GOLGA1: variants seen among roughly 807,000 people sequenced by gnomAD.
GOLGA1 encodes golgin A1, also known as golgin subfamily A member 1.
In GOLGA1, 63 loss-of-function variants were observed where a neutral mutation model predicts 119.7. The ratio of observed to expected loss-of-function variants is 0.53; its 90% CI spans 0.43 to 0.65. The LOEUF (loss-of-function observed/expected upper bound fraction) is 0.65. Among genes scored for constraint, GOLGA1 ranks in the 30% least tolerant of loss-of-function variants. The pLI, the probability that GOLGA1 is intolerant of heterozygous loss-of-function variation, is 0.00. For synonymous variants in GOLGA1, 318 were observed against 333.4 expected, an observed-to-expected ratio of 0.95 and a Z score of 0.50; for missense variants, 798 against 912.8, an observed-to-expected ratio of 0.87 and a Z score of 1.62.
intron 15 of GOLGA1, among the ~76,000 whole-genome samples, chr9:124,891,034 T>C (rs1270332154): frequency 1.3e-5 from 2 of 152,172 alleles, no homozygotes; most frequent in African/African-American, 4.8e-5. Flanking sequence ...CACATGCCTG[T>C]AGTGCCAGCT....
chr9:124,926,157 AAGAT>A (rs759306113), intron 7 of GOLGA1, among the ~76,000 whole-genome samples: 3 of 152,192 alleles, frequency 2.0e-5, no homozygotes, highest in Non-Finnish European at 2.9e-5. Context: ...TGGGATGGGT[AAGAT>A]AGCCCAAAAG....
intron 3 of GOLGA1, among the ~76,000 whole-genome samples, chr9:124,932,749 G>C (rs923046066): frequency 6.6e-6 from 1 of 152,134 alleles, no homozygotes; most frequent in African/African-American, 2.4e-5. Flanking sequence ...CTGGAGCCTA[G>C]GAAGTCCAAA....
At chr9:124,912,888 G>A (rs1289276331) in intron 10 of GOLGA1, among the ~76,000 whole-genome samples, 1 of 152,206 alleles carries the variant, frequency 6.6e-6, no homozygotes, top group East Asian at 1.9e-4. Context: ...CAACAGGTTG[G>A]GACTAACTTG....
chr9:124,891,792 G>A (rs1170063923), intron 15 of GOLGA1, among the ~76,000 whole-genome samples: 2 of 151,720 alleles, frequency 1.3e-5, no homozygotes, highest in Non-Finnish European at 1.5e-5. Flanking sequence ...CTACAGGCAT[G>A]TGCCACCACA....
rs150824292 is a variant in GOLGA1, at chr9:124,931,387, G to C, written c.155C>G (p.Ser52Cys). ...AAGCTGGGATGAAAGATCTTCTCTG[G>C]AGCTGCTTCCATCGGAAGCCTGTTG... ...GDDFASDGSS[S>C]REDLSSQLLR... Residue 52 changes from serine to cysteine, a missense_variant, in exon 4 of 23, where the codon TCC (serine) becomes TGC (cysteine). By Grantham distance (112) the Ser-to-Cys change is moderately radical. Coordinates refer to ENST00000373555, the MANE Select transcript of GOLGA1 (RefSeq NM_002077.4). 5.2e-5 allele frequency: 82 copies of C among 1,589,218 alleles called. No homozygotes were observed. Among genetic ancestry groups the C allele is most frequent in the Admixed American group, 5.0e-5 (3 of 59,938 alleles).
At chr9:124,882,066 G>GC (rs1829599066) in intron 20 of GOLGA1, 112 bp from the exon 21 acceptor site, 1 of 749,288 alleles carries the variant, frequency 1.3e-6, no homozygotes, top group Admixed American at 3.0e-5. Context: ...GGCAAAAAGG[G>GC]CCCCACCTGG....
rs1443622352 is a variant in GOLGA1 at position 124,888,935 on chromosome 9, G to A, written c.1761+208C>T. Among the ~76,000 whole-genome samples the A allele has an allele frequency of 6.6e-5, 10 of 152,130 alleles. No homozygotes were observed. In the South Asian group the frequency reaches 1.2e-3, roughly 19 times the overall value. On this transcript the variant is annotated intron_variant, in intron 18 of 22. Coordinates refer to ENST00000373555, the MANE Select transcript of GOLGA1 (RefSeq NM_002077.4). The surrounding 1 kb of genome is among the most constrained non-coding windows in gnomAD (Gnocchi z 4.4). ...AGGATGGTCTCGATCTCCTGAACTC[G>A]TGATCCACCCGCCTCGGCCTCCCAA...
chr9:124,928,684 C>G (rs1389228212), intron 5 of GOLGA1, among the ~76,000 whole-genome samples: 2 of 152,104 alleles, frequency 1.3e-5, no homozygotes, highest in Non-Finnish European at 2.9e-5. Flanking sequence ...AACAAAAAAC[C>G]TTTCTTTTAC....
intron 19 of GOLGA1, among the ~76,000 whole-genome samples, chr9:124,883,680 T>C (rs891464421): frequency 6.6e-6 from 1 of 152,046 alleles, no homozygotes; most frequent in Non-Finnish European, 1.5e-5. Flanking sequence ...ACTCCTGACC[T>C]CAGGTGGTCC....
chr9:124,897,906 G>T (rs557049945), intron 15 of GOLGA1, among the ~76,000 whole-genome samples: 1 of 152,310 alleles, frequency 6.6e-6, no homozygotes, highest in Admixed American at 6.5e-5. Context: ...AGCTGGGCAA[G>T]TACTACAATG....
intron 11 of GOLGA1, among the ~76,000 whole-genome samples, chr9:124,909,608 C>CAAAAAAAA (rs58372596): frequency 4.6e-5 from 4 of 87,286 alleles, no homozygotes; most frequent in Admixed American, 2.5e-4. Context: ...GACTCCGTCT[C>CAAAAAAAA]AAAAAAAAAA....
At position 124,879,105 on chromosome 9, in the gene GOLGA1, T is replaced by A. The variant is rs1829513703; in HGVS notation, c.*1425A>T. The A allele has an allele frequency of 6.6e-6, 1 of 152,200 alleles. No individual in the cohort carries two copies. Among genetic ancestry groups the A allele is most frequent in the Non-Finnish European group, 1.5e-5 (1 of 68,028 alleles). The allele number at this position is 152,200 out of a possible 1,614,324, so 9.4% of individuals were successfully genotyped here. On this transcript the variant is annotated 3_prime_UTR_variant, in exon 23 of 23. Transcript: ENST00000373555. ...GTTAGGTTAACGTTGCAAATGCGTG[T>A]TTTTCTGTGACACATTTTATATACC...
chr9:124,901,476 C>A (rs1359232754), intron 12 of GOLGA1, among the ~76,000 whole-genome samples: 2 of 150,088 alleles, frequency 1.3e-5, no homozygotes, highest in Non-Finnish European at 3.0e-5. Flanking sequence ...ACTCTGTTGC[C>A]CAGGCTGGCG....
intron 13 of GOLGA1, chr9:124,900,029 A>C: frequency 5.4e-6 from 1 of 184,468 alleles, no homozygotes; most frequent in Non-Finnish European, 1.1e-5. Flanking sequence ...GACATGGCGA[A>C]TATGAAATAC....
chr9:124,900,291 C>T, intron 13 of GOLGA1, 161 bp downstream of exon 13: 1 of 513,158 alleles, frequency 1.9e-6, no homozygotes, highest in South Asian at 2.6e-5. Context: ...CTGACTCCCT[C>T]CACCCCCTGC....
chr9:124,918,936 A>G (rs755619292), intron 10 of GOLGA1, among the ~76,000 whole-genome samples: 20 of 151,496 alleles, frequency 1.3e-4, no homozygotes, highest in Admixed American at 1.1e-3. Flanking sequence ...TACTTCCCCT[A>G]TGGTATATCT....
At position 124,908,381 on chromosome 9, in the gene GOLGA1, G is replaced by A; in HGVS notation, c.1061C>T (p.Thr354Ile). Residue 354 changes from threonine to isoleucine, a missense_variant, in exon 12 of 23, where the codon ACT (threonine) becomes ATT (isoleucine). Coordinates refer to ENST00000373555, the MANE Select transcript of GOLGA1 (RefSeq NM_002077.4). ...SQAKAINTLETRVRELEQTLQ... is the reference protein window; with the variant it reads ...SQAKAINTLEIRVRELEQTLQ... Reference sequence around the variant, plus strand: ...CACCAGGAGTAAGGTCAGTACCCGAGTCTCCAGGGTGTTAATGGCCTTAGC... The same window carrying A: ...CACCAGGAGTAAGGTCAGTACCCGAATCTCCAGGGTGTTAATGGCCTTAGC... 1 of 1,570,000 alleles carries A rather than the reference G, an allele frequency of 6.4e-7. No homozygotes were observed. The highest frequency in any genetic ancestry group is 1.3e-5 in the African/African-American group (1 of 74,216).
In GOLGA1 at chr9:124,946,711, T is replaced by TTTC. The variant is rs1329466566; in HGVS notation, c.-156+1206_-156+1207insGAA. ...CAACCCTATCATCCTTGGGAGAGGTTTGAAGGCCCAGATTTTTATAGCACA... is the reference window on the plus strand; with the variant it reads ...CAACCCTATCATCCTTGGGAGAGGTTTTCTGAAGGCCCAGATTTTTATAGCACA... On this transcript the variant is annotated intron_variant, in intron 1 of 4. Transcript: ENST00000421514. The surrounding 1 kb of genome is among the most constrained non-coding windows in gnomAD (Gnocchi z 4.0). 3 of 152,198 alleles carry TTTC rather than the reference T, an allele frequency of 2.0e-5. No individual in the cohort carries two copies. The highest frequency in any genetic ancestry group is 4.4e-5 in the Non-Finnish European group (3 of 68,038). 9.4% of individuals were successfully genotyped at this position (152,198 alleles called of 1,614,324 possible).
intron 19 of GOLGA1, among the ~76,000 whole-genome samples, chr9:124,885,253 G>A (rs1249927723): frequency 3.9e-5 from 6 of 151,966 alleles, no homozygotes; most frequent in African/African-American, 7.3e-5. Context: ...GTTTGAACCC[G>A]GGAGGCGGAG....
Sources: gnomAD v4.1 joint callset for allele counts (sites outside exome capture counted in the v4.1 genomes callset) on GRCh38, gnomAD v4.1.1 for gene constraint, Gnocchi (gnomAD v3.1) non-coding constraint, MANE v1.5 for transcripts, NCBI Gene and HGNC (gene_info 2026-07-23, HGNC 2026-07-21) for gene names.